Variants in EYS observed in about 807,000 individuals in gnomAD.
The protein encoded by EYS is EGF-like photoreceptor maintenance factor.
Under a neutral mutation model 282.1 loss-of-function variants are expected in EYS, and 250 were observed. The observed-to-expected ratio is 0.89, with a 90% CI of 0.80 to 0.98. The LOEUF (loss-of-function observed/expected upper bound fraction) is 0.98, where lower values mean the gene tolerates loss of function less well. EYS is among the 50% of genes least tolerant of loss of function. EYS has a pLI of 0.00. For missense variants in EYS, 4,016 were observed against 3,709.0 expected (o/e 1.08, Z -2.15); for synonymous variants, 1,355 against 1,282.9 (o/e 1.06, Z -1.20).
At position 64,813,418 on chromosome 6, in the gene EYS, C is replaced by G. The variant is rs1027123637; in HGVS notation, c.3403G>C (p.Gly1135Arg). The change falls in exon 22 of 43, where the codon GGG (glycine) becomes CGG (arginine). Residue 1135 changes from glycine to arginine, a missense_variant. Gly to Arg is a moderately radical substitution (Grantham distance 125). Coordinates refer to ENST00000503581, the MANE Select transcript of EYS (RefSeq NM_001142800.2). ...TGTCCAGGCCCATCAACACAGATCC[C>G]TCCATTAAGACAGATGACTGAATTA... Reference protein sequence around the residue: ...ELNSVICLNGGICVDGPGHTF... With the variant: ...ELNSVICLNGRICVDGPGHTF... The G allele has an allele frequency of 5.2e-6, 8 of 1,549,180 alleles. No individual in the cohort carries two copies. The highest frequency in any genetic ancestry group is 7.0e-6 in the Non-Finnish European group (8 of 1,145,516).
chr6:64,975,271 AT>A (rs1445303673), intron 14 of EYS, among the ~76,000 whole-genome samples: 1 of 151,848 alleles, frequency 6.6e-6, no homozygotes, highest in African/African-American at 2.4e-5. Context: ...GTATTAATTT[AT>A]GTGCAAAAAG....
At chr6:64,263,527 T>C (rs1327683624) in intron 30 of EYS, among the ~76,000 whole-genome samples, 1 of 152,138 alleles carries the variant, frequency 6.6e-6, no homozygotes, top group Non-Finnish European at 1.5e-5. Flanking sequence ...AAACTACATT[T>C]TAGAGGTGCT....
At chr6:64,973,355 T>C (rs922968188) in intron 14 of EYS, among the ~76,000 whole-genome samples, 1 of 152,036 alleles carries the variant, frequency 6.6e-6, no homozygotes, top group African/African-American at 2.4e-5. Flanking sequence ...AAGTAAGACA[T>C]AGATGTCTTC....
intron 32 of EYS, among the ~76,000 whole-genome samples, 164 bp from the exon 33 acceptor site, chr6:64,066,655 C>T (rs1771383289): frequency 6.6e-6 from 1 of 152,088 alleles, no homozygotes; most frequent in Non-Finnish European, 1.5e-5. Flanking sequence ...TAGAAACGTA[C>T]ATTATTGTCC....
intron 12 of EYS, among the ~76,000 whole-genome samples, chr6:65,168,672 A>G (rs562444950): frequency 8.6e-5 from 13 of 151,242 alleles, no homozygotes; most frequent in Non-Finnish European, 1.6e-4. Flanking sequence ...AGGGTACACA[A>G]ACATTCAGGT....
At chr6:63,923,002 C>T (rs539046267) in intron 35 of EYS, among the ~76,000 whole-genome samples, 2 of 152,114 alleles carry the variant, frequency 1.3e-5, no homozygotes, top group Admixed American at 6.5e-5. Flanking sequence ...GATTAGTACT[C>T]GAATGGTGTC....
chr6:65,631,490 A>AG (rs397973348), intron 2 of EYS, among the ~76,000 whole-genome samples: 1 of 151,520 alleles, frequency 6.6e-6, no homozygotes, highest in Non-Finnish European at 1.5e-5. Context: ...AAAAAAAAAA[A>AG]TCCTGTGTTG....
chr6:63,912,488 C>T (rs1168845945), intron 35 of EYS, among the ~76,000 whole-genome samples: 1 of 152,134 alleles, frequency 6.6e-6, no homozygotes, highest in Non-Finnish European at 1.5e-5. Flanking sequence ...ATATATTTTA[C>T]TTTTAAAAAA....
At chr6:65,565,944 G>A in intron 2 of EYS, among the ~76,000 whole-genome samples, 1 of 152,014 alleles carries the variant, frequency 6.6e-6, no homozygotes, top group Non-Finnish European at 1.5e-5. Flanking sequence ...ACCAGGGCCT[G>A]TTGTGGGGTG....
At chr6:65,153,760 C>T (rs1336318525) in intron 12 of EYS, among the ~76,000 whole-genome samples, 2 of 151,664 alleles carry the variant, frequency 1.3e-5, no homozygotes, top group Non-Finnish European at 2.9e-5. Flanking sequence ...TTTCTTTAAG[C>T]AGAATATAGT....
rs1390668798 is a variant in EYS, at chr6:64,517,462, A to G, written c.5644+72761T>C. Among the ~76,000 whole-genome samples, 53 of 152,010 alleles carry G rather than the reference A, an allele frequency of 3.5e-4. 1 individual carries two copies. The highest frequency in any genetic ancestry group is 3.4e-3 in the Admixed American group (52 of 15,228). On this transcript the variant is annotated intron_variant, in intron 26 of 42. Coordinates refer to ENST00000503581, the MANE Select transcript of EYS (RefSeq NM_001142800.2). ...GGTAGAAAATAAAAAATGGTTTGGC[A>G]GTAATTGAAACTTCAGTAACCAAAC... is the stretch of plus-strand genomic sequence containing the variant.
chr6:65,326,933 GT>G (rs1397874365), intron 11 of EYS, among the ~76,000 whole-genome samples: 2 of 151,414 alleles, frequency 1.3e-5, no homozygotes, highest in African/African-American at 2.4e-5. Flanking sequence ...TTTCTAATAA[GT>G]TTTTTAAATC....
At chr6:64,693,299 T>C (rs1770465044) in intron 22 of EYS, among the ~76,000 whole-genome samples, 2 of 152,090 alleles carry the variant, frequency 1.3e-5, no homozygotes, top group South Asian at 4.1e-4. Context: ...AAATAGAAAT[T>C]GGCAAGCAAA....
intron 1 of EYS, among the ~76,000 whole-genome samples, chr6:65,657,593 G>A (rs1474675776): frequency 6.6e-6 from 1 of 151,900 alleles, no homozygotes; most frequent in Non-Finnish European, 1.5e-5. Context: ...GATCAAACTT[G>A]AAGAGATGAG....
intron 19 of EYS, among the ~76,000 whole-genome samples, chr6:64,847,279 T>C (rs1374263251): frequency 6.6e-6 from 1 of 151,174 alleles, no homozygotes; most frequent in Non-Finnish European, 1.5e-5. Context: ...TGTATATGTA[T>C]ATTATGTGTG....
At chr6:64,304,767 A>G (rs1769374140) in intron 30 of EYS, among the ~76,000 whole-genome samples, 1 of 152,242 alleles carries the variant, frequency 6.6e-6, no homozygotes, top group African/African-American at 2.4e-5. Flanking sequence ...ATTCTGTTTA[A>G]CAACCAAAGG....
intron 14 of EYS, among the ~76,000 whole-genome samples, chr6:64,983,425 AATAAATATAT>A (rs1246994946): frequency 6.6e-6 from 1 of 151,338 alleles, no homozygotes; most frequent in African/African-American, 2.4e-5. Context: ...ATAAATAGAT[AATAAATATAT>A]ATAGCTTCAC....
intron 31 of EYS, among the ~76,000 whole-genome samples, chr6:64,101,467 C>A (rs1239221980): frequency 6.6e-6 from 1 of 151,364 alleles, no homozygotes; most frequent in Non-Finnish European, 1.5e-5. Flanking sequence ...TGCATGCATG[C>A]ACATAAAAGC....
At chr6:65,056,053 T>G (rs1773403332) in intron 13 of EYS, among the ~76,000 whole-genome samples, 1 of 152,074 alleles carries the variant, frequency 6.6e-6, no homozygotes, top group African/African-American at 2.4e-5. Flanking sequence ...AAGATGCATC[T>G]ATTACTTCTC....
Sources: gnomAD v4.1 joint callset for allele counts (sites outside exome capture counted in the v4.1 genomes callset) on GRCh38, gnomAD v4.1.1 for gene constraint, MANE v1.5 for transcripts, NCBI Gene and HGNC (gene_info 2026-07-23, HGNC 2026-07-21) for gene names.